The following VSX2 variants were observed in gnomAD, a reference collection of about 807,000 sequenced individuals.
VSX2 encodes visual system homeobox 2, also known as ceh-10 homeo domain containing homolog.
VSX2 carries 28 observed loss-of-function variants against 32.1 expected under a neutral mutation model. That is an observed-to-expected ratio of 0.87 (90% confidence interval 0.65 to 1.20). The LOEUF (loss-of-function observed/expected upper bound fraction) is 1.20, where lower values mean the gene tolerates loss of function less well. VSX2 is among the 50% of genes most tolerant of loss of function. VSX2 has a pLI of 0.00. For synonymous variants in VSX2, 243 were observed against 214.1 expected, an observed-to-expected ratio of 1.14 and a Z score of -1.18; for missense variants, 506 against 488.7, an observed-to-expected ratio of 1.04 and a Z score of -0.33.
rs1267863490 is a variant in VSX2, at chr14:74,260,582, A to G, written c.761-12A>G. 6.3e-7 allele frequency: 1 copy of G among 1,593,736 alleles called. No homozygotes were observed. The highest frequency in any genetic ancestry group is 8.5e-7 in the Non-Finnish European group (1 of 1,170,476). ...CGCTTTTCTAAACCCGAATACCAAC[A>G]ATTCTTTCTAGGGATGCACAAAAAG... On this transcript the variant is annotated splice_polypyrimidine_tract_variant and intron_variant, in intron 4 of 4. Coordinates refer to ENST00000261980, the MANE Select transcript of VSX2 (RefSeq NM_182894.3).
intron 3 of VSX2, among the ~76,000 whole-genome samples, chr14:74,250,245 A>G (rs998678749): frequency 2.8e-4 from 18 of 65,302 alleles, no homozygotes; most frequent in Non-Finnish European, 6.1e-4. Context: ...TCAAAAAAAA[A>G]AAAATTTTTT....
Position 74,261,762 on chromosome 14 carries a change from C to T in VSX2, c.*843C>T, listed in dbSNP as rs1314807096. ...ACTGTTCAGGAGTCCAAACCTTCTA[C>T]CCTGGGTCCTCGGGCCCCTGAGCCT... On this transcript the variant is annotated 3_prime_UTR_variant, in exon 5 of 5. Transcript: ENST00000261980. 6.6e-6 allele frequency: 1 copy of T among 152,370 alleles called. No homozygotes were observed. Among genetic ancestry groups the T allele is most frequent in the Non-Finnish European group, 1.5e-5 (1 of 68,188 alleles). The allele number at this position is 152,370 out of a possible 1,614,324, so 9.4% of individuals were successfully genotyped here.
intron 3 of VSX2, among the ~76,000 whole-genome samples, chr14:74,255,239 G>A (rs557586916): frequency 2.0e-5 from 3 of 152,286 alleles, no homozygotes; most frequent in East Asian, 3.9e-4. Flanking sequence ...CTATATACAG[G>A]CTGGTGGCTT....
At chr14:74,253,308 C>T (rs1268027949) in intron 3 of VSX2, among the ~76,000 whole-genome samples, 1 of 152,026 alleles carries the variant, frequency 6.6e-6, no homozygotes. Context: ...AGTGAGCGGT[C>T]AGGAAAGTGA....
At position 74,260,901 on chromosome 14, in the gene VSX2, G is replaced by C; in HGVS notation, c.1068G>C (p.Gln356His). ...DRPAERLSPP[Q>H]LEDMA The stretch of plus-strand genomic sequence containing the variant: ...CGGCGGAGAGGCTCAGTCCACCGCA[G>C]CTGGAGGACATGGCTTAGGTCAAGG... The change falls in exon 5 of 5, where the codon CAG (glutamine) becomes CAC (histidine). Residue 356 changes from glutamine (Q) to histidine (H), a missense_variant. Coordinates refer to ENST00000261980, the MANE Select transcript of VSX2 (RefSeq NM_182894.3). 6.4e-7 allele frequency: 1 copy of C among 1,561,054 alleles called. No homozygotes were observed. The highest frequency in any genetic ancestry group is 2.4e-5 in the East Asian group (1 of 41,556).
chr14:74,245,392 G>A (rs2079185947), intron 3 of VSX2, 104 bp downstream of exon 3: 1 of 1,488,810 alleles, frequency 6.7e-7, no homozygotes, highest in South Asian at 1.2e-5. Flanking sequence ...GCCCCACTGT[G>A]GGCATGTGCT....
rs559252101 is a variant in VSX2 at position 74,239,507 on chromosome 14, G to T, written c.-55G>T. 3.1e-4 allele frequency: 479 copies of T among 1,548,978 alleles called. 7 individuals carry two copies. The South Asian group carries it at 4.2e-3, about 14-fold the overall frequency. ...ACTTCGCGAAGCGGGAAGCCCGGCG[G>T]GGGGGTGGGGGGAGCTAAAGACCTG... On this transcript the variant is annotated 5_prime_UTR_variant, in exon 1 of 5. Transcript: ENST00000261980.
At position 74,262,553 on chromosome 14, in the gene VSX2, T is replaced by G. The variant is rs1342508589; in HGVS notation, c.*1634T>G. The G allele has an allele frequency of 6.6e-6, 1 of 152,234 alleles. No homozygotes were observed. Among genetic ancestry groups the G allele is most frequent in the East Asian group, 1.9e-4 (1 of 5,200 alleles). The allele number at this position is 152,234 out of a possible 1,614,324, so 9.4% of individuals were successfully genotyped here. ...GTCCGGTTCTTCTTGTCTTTGTCCC[T>G]GTTGGTTTGAAGTGTTAGACTATAG... On this transcript the variant is annotated 3_prime_UTR_variant, in exon 5 of 5. Transcript: ENST00000261980.
At chr14:74,248,889 T>C (rs1174757669) in intron 3 of VSX2, among the ~76,000 whole-genome samples, 7 of 152,142 alleles carry the variant, frequency 4.6e-5, no homozygotes, top group Non-Finnish European at 1.0e-4. Context: ...GGGAGGTGCC[T>C]CCTGAGTATT....
intron 1 of VSX2, 142 bp from the exon 2 acceptor site, chr14:74,241,040 C>G (rs983571276): frequency 3.7e-6 from 3 of 803,604 alleles, no homozygotes; most frequent in East Asian, 5.2e-5. Flanking sequence ...GGGACGGCCA[C>G]CGGGGCGCCC....
At chr14:74,250,707 T>A (rs1306404067) in intron 3 of VSX2, among the ~76,000 whole-genome samples, 1 of 151,484 alleles carries the variant, frequency 6.6e-6, no homozygotes, top group African/African-American at 2.4e-5. Flanking sequence ...AGGGCAGATT[T>A]TTTTTTTCTC....
At chr14:74,244,776 G>T (rs2079172907) in intron 2 of VSX2, among the ~76,000 whole-genome samples, 1 of 151,842 alleles carries the variant, frequency 6.6e-6, no homozygotes, top group Non-Finnish European at 1.5e-5. Context: ...GTCACTGAGG[G>T]CTGAAATAAT....
chr14:74,261,059 G>C lies in VSX2; in HGVS notation c.*140G>C. 1 of 992,514 alleles carries C rather than the reference G, an allele frequency of 1.0e-6. No homozygotes were observed. The highest frequency in any genetic ancestry group is 1.5e-6 in the Non-Finnish European group (1 of 671,998). 61.5% of individuals were successfully genotyped at this position (992,514 alleles called of 1,614,324 possible). ...TCCCCACAGGTCCTCCATCACCCCT[G>C]GTGGCTGCAGGCACCGCTGGGTTCT... is the stretch of plus-strand genomic sequence containing the variant. On this transcript the variant is annotated 3_prime_UTR_variant, in exon 5 of 5. Transcript: ENST00000261980.
rs1438666657 is a variant in VSX2 at position 74,260,916 on chromosome 14, T to A, written c.1083T>A (p.Ala361=). The stretch of plus-strand genomic sequence containing the variant: ...GTCCACCGCAGCTGGAGGACATGGC[T>A]TAGGTCAAGGCGCGCTCAGATGCCG... ...RLSPPQLEDM[A] is the part of the protein sequence containing the mutation. The change falls in exon 5 of 5, where the codon GCT becomes GCA. Residue 361 remains alanine, a synonymous_variant. Coordinates refer to ENST00000261980, the MANE Select transcript of VSX2 (RefSeq NM_182894.3). 13 of 1,556,888 alleles carry A rather than the reference T, an allele frequency of 8.3e-6. No individual in the cohort carries two copies. Among genetic ancestry groups the A allele is most frequent in the Non-Finnish European group, 1.1e-5 (13 of 1,151,156 alleles).
chr14:74,244,919 T>TGAGAGAGAGAAAGAGAGAAA, intron 2 of VSX2, among the ~76,000 whole-genome samples: 1 of 41,184 alleles, frequency 2.4e-5, no homozygotes, highest in African/African-American at 5.4e-5. Flanking sequence ...TGTGTGTGTG[T>TGAGAGAGAGAAAGAGAGAAA]GTGTGTGTGT....
intron 3 of VSX2, among the ~76,000 whole-genome samples, chr14:74,257,709 A>ACCCCCCCCCCCCC (rs33974776): frequency 3.7e-5 from 5 of 133,974 alleles, no homozygotes; most frequent in African/African-American, 1.5e-4. Context: ...CGCGCGGACC[A>ACCCCCCCCCCCCC]CCCCCCACCC....
chr14:74,257,602 G>GC (rs11423354), intron 3 of VSX2, among the ~76,000 whole-genome samples: 152,004 of 152,004 alleles, frequency 1, 76,002 homozygotes, highest in Non-Finnish European at 1. Flanking sequence ...GGGCCGGAGC[G>GC]CCCCTGCCGG....
chr14:74,258,434 C>G (rs1000758341), intron 3 of VSX2, among the ~76,000 whole-genome samples: 1 of 152,150 alleles, frequency 6.6e-6, no homozygotes, highest in Admixed American at 6.5e-5. Flanking sequence ...CGGCCCAGAC[C>G]CAGGCAAGGA....
intron 3 of VSX2, among the ~76,000 whole-genome samples, chr14:74,249,186 A>G (rs2079214170): frequency 6.6e-6 from 1 of 152,230 alleles, no homozygotes; most frequent in African/African-American, 2.4e-5. Flanking sequence ...TGCTAACTTA[A>G]TAAAAACAGT....
Sources: allele counts gnomAD v4.1 joint callset (sites outside exome capture counted in the v4.1 genomes callset), GRCh38; gene constraint gnomAD v4.1.1; transcripts MANE v1.5; gene names NCBI Gene and HGNC (gene_info 2026-07-23, HGNC 2026-07-21).